EIF3A: variants seen among roughly 807,000 people sequenced by gnomAD.
EIF3A encodes eukaryotic translation initiation factor 3 subunit A.
A neutral mutation model predicts 186.6 loss-of-function variants in EIF3A; 21 were observed. That is an observed-to-expected ratio of 0.11 (90% CI 0.08 to 0.16). The LOEUF (loss-of-function observed/expected upper bound fraction) is 0.16. EIF3A is among the 10% of genes least tolerant of loss of function. EIF3A has a pLI of 1.00. For missense variants in EIF3A, 1,306 were observed against 1,796.3 expected, an observed-to-expected ratio of 0.73 and a Z score of 4.93; for synonymous variants, 563 against 584.3, an observed-to-expected ratio of 0.96 and a Z score of 0.52.
In EIF3A at chr10:119,042,889, GCACCTTTAAT is replaced by G. The variant is rs1848232453; in HGVS notation, c.2748-127_2748-118del. On this transcript the variant is annotated intron_variant, in intron 18 of 21. Transcript: ENST00000369144. The surrounding 1 kb of genome is among the most constrained non-coding windows in gnomAD (Gnocchi z 7.8). ...TCAGTATGGGCCGGAGCAGTGGCTC[GCACCTTTAAT>G]CCCAGCACTCTGGGAAGCAGAGGCA... 9.3e-7 allele frequency: 1 copy of G among 1,073,844 alleles called. No homozygotes were observed. The highest frequency in any genetic ancestry group is 1.3e-6 in the Non-Finnish European group (1 of 770,752). 66.5% of individuals were successfully genotyped at this position (1,073,844 alleles called of 1,614,324 possible).
At chr10:119,077,382 C>T (rs1177040708) in intron 1 of EIF3A, among the ~76,000 whole-genome samples, 3 of 151,952 alleles carry the variant, frequency 2.0e-5, no homozygotes, top group South Asian at 4.2e-4. Context: ...GCCTGGGAGG[C>T]GGAGGTTGCA....
intron 17 of EIF3A, among the ~76,000 whole-genome samples, chr10:119,049,484 ACTCTGTCTC>A: frequency 1.3e-5 from 1 of 79,092 alleles, no homozygotes; most frequent in Non-Finnish European, 2.4e-5. Flanking sequence ...ATGAAGCGAG[ACTCTGTCTC>A]AAAAAAAAAA....
intron 11 of EIF3A, among the ~76,000 whole-genome samples, chr10:119,058,958 G>C (rs1181029256): frequency 6.6e-6 from 1 of 152,174 alleles, no homozygotes; most frequent in Admixed American, 6.5e-5. Context: ...GGAATCCTAT[G>C]TCCACTCTGT....
intron 21 of EIF3A, among the ~76,000 whole-genome samples, chr10:119,036,496 G>T (rs1038769933): frequency 6.6e-6 from 1 of 152,040 alleles, no homozygotes; most frequent in African/African-American, 2.4e-5. Flanking sequence ...TCTGAAAACA[G>T]GCAGAAACCA....
Position 119,042,849 on chromosome 10 carries a change from T to C in EIF3A, c.2748-77A>G, listed in dbSNP as rs1446903844. The C allele has an allele frequency of 6.9e-7, 1 of 1,456,238 alleles. No individual in the cohort carries two copies. The highest frequency in any genetic ancestry group is 9.1e-7 in the Non-Finnish European group (1 of 1,099,642). The allele number at this position is 1,456,238 out of a possible 1,614,324, so 90.2% of individuals were successfully genotyped here. ...TCCTTTGGGGATTTTTTTTTTCACA[T>C]GCTTTTTAAAAACTTCAGTATGGGC... On this transcript the variant is annotated intron_variant, in intron 18 of 21. Transcript: ENST00000369144. The surrounding 1 kb of genome is among the most constrained non-coding windows in gnomAD (Gnocchi z 7.8).
In EIF3A at chr10:119,073,796, C is replaced by G. The variant is rs1426132886; in HGVS notation, c.191G>C (p.Ser64Thr). Residue 64 changes from serine (S) to threonine (T), a missense_variant, in exon 2 of 22, where the codon AGC (serine) becomes ACC (threonine). Transcript: ENST00000369144. ...GTATAACCCCTCCTTTGCCAAGTGGCTCTTGCGAAGATCCACGCAAAGTTC... is the reference window on the plus strand; with the variant it reads ...GTATAACCCCTCCTTTGCCAAGTGGGTCTTGCGAAGATCCACGCAAAGTTC... ...YLELCVDLRK[S>T]HLAKEGLYQY... The G allele has an allele frequency of 3.1e-6, 5 of 1,613,730 alleles. No homozygotes were observed. The highest frequency in any genetic ancestry group is 4.2e-6 in the Non-Finnish European group (5 of 1,179,834).
chr10:119,045,398 T>A (rs1848269880), intron 17 of EIF3A, among the ~76,000 whole-genome samples: 1 of 152,194 alleles, frequency 6.6e-6, no homozygotes, highest in Non-Finnish European at 1.5e-5. Flanking sequence ...AGGTGGGGGT[T>A]GTTCTAAGAG....
chr10:119,080,249 G>A, intron 1 of EIF3A: 1 of 937,550 alleles, frequency 1.1e-6, no homozygotes, highest in Middle Eastern at 5.4e-4. Flanking sequence ...ACTCCCAGAT[G>A]GCGGCCGGGG....
chr10:119,075,737 A>T, intron 1 of EIF3A, among the ~76,000 whole-genome samples: 1 of 89,250 alleles, frequency 1.1e-5, no homozygotes, highest in Non-Finnish European at 2.2e-5. Context: ...TTTTTTGGAC[A>T]GAGTCTTGCT....
chr10:119,076,631 T>C (rs1234974663), intron 1 of EIF3A, among the ~76,000 whole-genome samples: 5 of 152,110 alleles, frequency 3.3e-5, no homozygotes, highest in Admixed American at 3.3e-4. Context: ...ATAGTGCATG[T>C]AAGGTTATTT....
chr10:119,078,840 GA>G (rs1190891590), intron 1 of EIF3A, among the ~76,000 whole-genome samples: 1 of 151,992 alleles, frequency 6.6e-6, no homozygotes, highest in Non-Finnish European at 1.5e-5. Flanking sequence ...TTTTCTATAT[GA>G]AGTTCTTATG....
chr10:119,062,276 G>T (rs917555355), intron 7 of EIF3A, among the ~76,000 whole-genome samples: 1 of 151,866 alleles, frequency 6.6e-6, no homozygotes, highest in East Asian at 1.9e-4. Context: ...GTCCCCTTCC[G>T]AATAGGGAAA....
chr10:119,072,799 T>A, intron 4 of EIF3A, 91 bp downstream of exon 4: 1 of 1,446,920 alleles, frequency 6.9e-7, no homozygotes, highest in South Asian at 1.3e-5. Context: ...TCAATAAGGA[T>A]AAAAACTAGT....
At chr10:119,037,543 C>T (rs1229588530) in intron 20 of EIF3A, among the ~76,000 whole-genome samples, 2 of 152,132 alleles carry the variant, frequency 1.3e-5, no homozygotes, top group Non-Finnish European at 2.9e-5. Flanking sequence ...TAAAGTAAAA[C>T]GGAGATATTT....
Position 119,036,281 on chromosome 10 carries a change from A to G in EIF3A, c.3920-13T>C. On this transcript the variant is annotated splice_polypyrimidine_tract_variant and intron_variant, in intron 21 of 21. Coordinates refer to ENST00000369144, the MANE Select transcript of EIF3A (RefSeq NM_003750.4). ...CTCCAAGAACTTACTAAAAAGTTTAATTAAAAAAAAAAAATTAAGTTAGTA... is the reference window on the plus strand; with the variant it reads ...CTCCAAGAACTTACTAAAAAGTTTAGTTAAAAAAAAAAAATTAAGTTAGTA... 1 of 1,577,074 alleles carries G rather than the reference A, an allele frequency of 6.3e-7. No homozygotes were observed. The highest frequency in any genetic ancestry group is 8.6e-7 in the Non-Finnish European group (1 of 1,158,962).
rs755084308 is a variant in EIF3A, at chr10:119,065,514, G to A, written c.1007C>T (p.Thr336Met). 12 of 1,612,466 alleles carry A rather than the reference G, an allele frequency of 7.4e-6. No homozygotes were observed. The highest frequency in any genetic ancestry group is 5.0e-5 in the Admixed American group (3 of 59,980). Residue 336 changes from threonine (T) to methionine (M), a missense_variant, in exon 7 of 22, where the codon ACG becomes ATG. Transcript: ENST00000369144. Reference protein sequence around the residue: ...TLSIPITPERTDIARLLDMDG... With the variant: ...TLSIPITPERMDIARLLDMDG... ...CATATCCAGAAGTCGAGCAATATCC[G>A]TACGCTCAGGAGTAATAGGGATGGA...
rs542989538 is a variant in EIF3A at position 119,075,356 on chromosome 10, T to C, written c.50-1419A>G. On this transcript the variant is annotated intron_variant, in intron 1 of 21. Coordinates refer to ENST00000369144, the MANE Select transcript of EIF3A (RefSeq NM_003750.4). ...GTTCCAATTTTAAGTTTTATGCATA[T>C]TGTTTGTTTTGAAATACAGTCAAAA... is the stretch of plus-strand genomic sequence containing the variant. Among the ~76,000 whole-genome samples the C allele has an allele frequency of 1.1e-4, 17 of 152,298 alleles. No homozygotes were observed. The South Asian group carries it at 3.5e-3, about 32-fold the overall frequency.
chr10:119,068,495 T>C (rs748867646), intron 6 of EIF3A, among the ~76,000 whole-genome samples: 1 of 151,120 alleles, frequency 6.6e-6, no homozygotes, highest in Non-Finnish European at 1.5e-5. Context: ...GCCAACATCA[T>C]GAAACCCCAT....
At chr10:119,058,423 G>A (rs1843827116) in intron 11 of EIF3A, 120 bp from the exon 12 acceptor site, 1 of 706,774 alleles carries the variant, frequency 1.4e-6, no homozygotes, top group South Asian at 1.9e-5. Context: ...ATTTGATAAT[G>A]GAAGATGACA....
Sources: allele counts gnomAD v4.1 joint callset (sites outside exome capture counted in the v4.1 genomes callset), GRCh38; gene constraint gnomAD v4.1.1; non-coding constraint Gnocchi (gnomAD v3.1); transcripts MANE v1.5; gene names NCBI Gene and HGNC (gene_info 2026-07-23, HGNC 2026-07-21).